The following SLC44A2 variants were observed in gnomAD, a reference collection of about 807,000 sequenced individuals.
SLC44A2 encodes solute carrier family 44 member 2 (CTL2 blood group), also known as choline transporter-like protein 2.
A neutral mutation model predicts 90.8 loss-of-function variants in SLC44A2; 57 were observed. The ratio of observed to expected loss-of-function variants is 0.63; its 90% CI spans 0.51 to 0.78. The LOEUF (loss-of-function observed/expected upper bound fraction) is 0.78, where lower values mean the gene tolerates loss of function less well. Ranked by LOEUF, SLC44A2 falls within the 30% of genes least tolerant of loss-of-function variation. The pLI is 0.00. For missense variants in SLC44A2, 794 were observed against 919.7 expected, an observed-to-expected ratio of 0.86 and a Z score of 1.77; for synonymous variants, 355 against 360.7, an observed-to-expected ratio of 0.98 and a Z score of 0.18.
chr19:10,619,449 T>C (rs1347812586), intron 1 of SLC44A2, among the ~76,000 whole-genome samples: 2 of 126,430 alleles, frequency 1.6e-5, no homozygotes, highest in African/African-American at 6.6e-5. Flanking sequence ...AAAAAAGTGT[T>C]TTTTTTTTTT....
At position 10,637,921 on chromosome 19, in the gene SLC44A2, C is replaced by T. The variant is rs1329547282; in HGVS notation, c.1761C>T (p.Asn587=). The T allele has an allele frequency of 2.5e-6, 4 of 1,614,172 alleles. No individual in the cohort carries two copies. The highest frequency in any genetic ancestry group is 3.4e-6 in the Non-Finnish European group (4 of 1,180,016). ...ARNAFFLLMR[N]IIRVAVLDKV... ...ATGCCTTCTTCCTGCTCATGAGAAA[C>T]ATCATCAGGTCGGGAATCATTATCA... The change falls in exon 18 of 22, where the codon AAC becomes AAT. Residue 587 remains asparagine (N), a synonymous_variant. Transcript: ENST00000335757.
At chr19:10,631,424 G>A in intron 6 of SLC44A2, 39 bp downstream of exon 6, 3 of 1,613,994 alleles carry the variant, frequency 1.9e-6, no homozygotes, top group Non-Finnish European at 2.5e-6. Context: ...GGTATGGGCA[G>A]TGGCAGTGTA....
intron 1 of SLC44A2, among the ~76,000 whole-genome samples, chr19:10,613,733 A>G (rs1268363688): frequency 2.0e-5 from 3 of 152,092 alleles, no homozygotes; most frequent in Non-Finnish European, 4.4e-5. Context: ...ACATGGAACG[A>G]CGGAAGCGAG....
At chr19:10,610,546 G>T (rs1452283444) in intron 1 of SLC44A2, among the ~76,000 whole-genome samples, 1 of 148,756 alleles carries the variant, frequency 6.7e-6, no homozygotes, top group Non-Finnish European at 1.5e-5. Flanking sequence ...GTGTTAGCCA[G>T]ATGGTCTTGA....
intron 7 of SLC44A2, 28 bp downstream of exon 7, chr19:10,631,563 G>A (rs1642495655): frequency 2.5e-6 from 4 of 1,614,074 alleles, no homozygotes; most frequent in Middle Eastern, 1.6e-4. Flanking sequence ...AGGAGGCTCA[G>A]GTGGTGACGG....
Position 10,628,021 on chromosome 19 carries a change from C to G in SLC44A2, c.245+17C>G, listed in dbSNP as rs756705785. 9.3e-6 allele frequency: 15 copies of G among 1,605,552 alleles called. No individual in the cohort carries two copies. The East Asian group carries it at 3.1e-4, about 34-fold the overall frequency. On this transcript the variant is annotated intron_variant, in intron 4 of 21. Transcript: ENST00000335757. ...AAAAAACGAGTGAGTTGACTCCTTG[C>G]GGCCTGGTGGGGCTGGGGAAGAGGG...
intron 1 of SLC44A2, among the ~76,000 whole-genome samples, chr19:10,618,434 A>G (rs2066872531): frequency 7.0e-6 from 1 of 141,992 alleles, no homozygotes; most frequent in Non-Finnish European, 1.5e-5. Context: ...TTCGCCTCCC[A>G]AAAGTGCTGG....
At chr19:10,640,003 A>G (rs1361619821) in intron 20 of SLC44A2, among the ~76,000 whole-genome samples, 1 of 148,878 alleles carries the variant, frequency 6.7e-6, no homozygotes, top group African/African-American at 2.5e-5. Flanking sequence ...CTAGTTTCTT[A>G]TTTTAGTTCC....
chr19:10,636,738 C>A lies in SLC44A2; in HGVS notation c.1573C>A (p.Leu525Met). ...VQIIRVILEY[L>M]DQRLKAAENK... ...GATCATCCGTGTGATACTCGAGTAC[C>A]TGGATCAGCGGCTGAAAGGTACGTC... The change falls in exon 16 of 22, where the codon CTG (leucine) becomes ATG (methionine). Residue 525 changes from leucine to methionine, a missense_variant. Leu to Met is a conservative substitution (Grantham distance 15). Coordinates refer to ENST00000335757, the MANE Select transcript of SLC44A2 (RefSeq NM_020428.4). 6.2e-7 allele frequency: 1 copy of A among 1,613,878 alleles called. No individual in the cohort carries two copies. Among genetic ancestry groups the A allele is most frequent in the South Asian group, 1.1e-5 (1 of 91,034 alleles).
At position 10,644,234 on chromosome 19, in the gene SLC44A2, G is replaced by C. The variant is rs564157865; in HGVS notation, c.*849G>C. The C allele has an allele frequency of 1.3e-5, 2 of 152,766 alleles. No homozygotes were observed. The highest frequency in any genetic ancestry group is 4.1e-4 in the South Asian group (2 of 4,830). 9.5% of individuals were successfully genotyped at this position (152,766 alleles called of 1,614,324 possible). ...AAACCCACCCAAGGGATGATGTCAG[G>C]GGGAGAGGTGGAGGGCAGATGTCCT... is the stretch of plus-strand genomic sequence containing the variant. On this transcript the variant is annotated 3_prime_UTR_variant, in exon 22 of 22. Transcript: ENST00000335757.
chr19:10,619,870 G>T (rs1045940156), intron 1 of SLC44A2, among the ~76,000 whole-genome samples: 1 of 151,922 alleles, frequency 6.6e-6, no homozygotes, highest in African/African-American at 2.4e-5. Context: ...CAGGAGAATC[G>T]CTTGAACCTG....
At chr19:10,610,490 C>G (rs1025428223) in intron 1 of SLC44A2, among the ~76,000 whole-genome samples, 14 of 150,528 alleles carry the variant, frequency 9.3e-5, no homozygotes, top group African/African-American at 3.4e-4. Flanking sequence ...CGCCACCATG[C>G]CCGGCTGATT....
In SLC44A2 at chr19:10,627,709, C is replaced by T. The variant is rs769353894; in HGVS notation, c.87-13C>T. On this transcript the variant is annotated splice_polypyrimidine_tract_variant and intron_variant, in intron 2 of 21. Coordinates refer to ENST00000335757, the MANE Select transcript of SLC44A2 (RefSeq NM_020428.4). Reference sequence around the variant, plus strand: ...ACCAAGCCTCCTCCAAACACTGCCCCTCTGCTCCCCAGGGGCTGCACGGAT... The same window carrying T: ...ACCAAGCCTCCTCCAAACACTGCCCTTCTGCTCCCCAGGGGCTGCACGGAT... 6.2e-7 allele frequency: 1 copy of T among 1,612,714 alleles called. No homozygotes were observed. Among genetic ancestry groups the T allele is most frequent in the African/African-American group, 1.3e-5 (1 of 75,010 alleles).
chr19:10,625,628 G>C lies in SLC44A2; in HGVS notation c.-6G>C. 8.0e-6 allele frequency: 10 copies of C among 1,247,096 alleles called. No homozygotes were observed. The highest frequency in any genetic ancestry group is 1.0e-5 in the Non-Finnish European group (10 of 990,582). 77.3% of individuals were successfully genotyped at this position (1,247,096 alleles called of 1,614,324 possible). ...GGGCGGCCGCCGGGGCTGGTCGCCT[G>C]CAGGGATGGGGGACGAGCGGCCCCA... is the stretch of plus-strand genomic sequence containing the variant. On this transcript the variant is annotated 5_prime_UTR_variant, in exon 1 of 22. Coordinates refer to ENST00000335757, the MANE Select transcript of SLC44A2 (RefSeq NM_020428.4).
At chr19:10,642,618 G>T (rs934115441) in intron 21 of SLC44A2, among the ~76,000 whole-genome samples, 167 bp downstream of exon 21, 2 of 151,984 alleles carry the variant, frequency 1.3e-5, no homozygotes, top group African/African-American at 4.8e-5. Context: ...TTCCTTTTGC[G>T]CTTAGAAGCA....
In SLC44A2 at chr19:10,635,187, C is replaced by A. The variant is rs114535814; in HGVS notation, c.1080C>A (p.Ser360=). The A allele has an allele frequency of 2.5e-4, 406 of 1,614,030 alleles. 1 individual carries two copies. The African/African-American group carries it at 5.0e-3, about 20-fold the overall frequency. The part of the protein sequence containing the change: ...ASRAVGYVMC[S]LLYPLVTFFL... Reference sequence around the variant, plus strand: ...GGGCTGTGGGATACGTCATGTGCTCCTTGCTCTACCCACTGGTCACCTTCT... The same window carrying A: ...GGGCTGTGGGATACGTCATGTGCTCATTGCTCTACCCACTGGTCACCTTCT... Residue 360 remains serine (S), a synonymous_variant, in exon 13 of 22, where the codon TCC becomes TCA. Transcript: ENST00000335757.
intron 1 of SLC44A2, among the ~76,000 whole-genome samples, chr19:10,610,798 C>T (rs1259181302): frequency 1.1e-4 from 16 of 150,388 alleles, no homozygotes; most frequent in Admixed American, 2.7e-4. Context: ...TGCCACCATG[C>T]CTGGCTCATT....
chr19:10,631,154 C>A lies in SLC44A2; in HGVS notation c.330+13C>A. The A allele has an allele frequency of 6.2e-7, 1 of 1,612,286 alleles. No individual in the cohort carries two copies. The highest frequency in any genetic ancestry group is 8.5e-7 in the Non-Finnish European group (1 of 1,178,476). On this transcript the variant is annotated intron_variant, in intron 5 of 21. Coordinates refer to ENST00000335757, the MANE Select transcript of SLC44A2 (RefSeq NM_020428.4). ...TCCCACTCCCCAGGTAACCTGGTCCCCACCGTTCCCTTTTTCCTCTCCCCG... is the reference window on the plus strand; with the variant it reads ...TCCCACTCCCCAGGTAACCTGGTCCACACCGTTCCCTTTTTCCTCTCCCCG...
intron 1 of SLC44A2, among the ~76,000 whole-genome samples, chr19:10,602,713 C>G (rs1487459486): frequency 6.6e-6 from 1 of 152,200 alleles, no homozygotes; most frequent in African/African-American, 2.4e-5. Flanking sequence ...GCGGATCCCA[C>G]GCCCCCTGCT....
Sources: allele counts gnomAD v4.1 joint callset (sites outside exome capture counted in the v4.1 genomes callset), GRCh38; gene constraint gnomAD v4.1.1; transcripts MANE v1.5; gene names NCBI Gene and HGNC (gene_info 2026-07-23, HGNC 2026-07-21).